The following DGKB variants were observed in gnomAD, a reference collection of about 807,000 sequenced individuals.
DGKB encodes the protein diacylglycerol kinase beta.
A neutral mutation model predicts 114.3 loss-of-function variants in DGKB; 67 were observed. The observed-to-expected ratio is 0.59, with a 90% CI of 0.48 to 0.72. The LOEUF is 0.72. Ranked by LOEUF, DGKB falls within the 30% of genes least tolerant of loss-of-function variation. The pLI, the probability that DGKB is intolerant of heterozygous loss-of-function variation, is 0.00. For missense variants in DGKB, 907 were observed against 975.2 expected (o/e 0.93, Z 0.93); for synonymous variants, 398 against 323.1 (o/e 1.23, Z -2.49).
chr7:14,695,730 A>G (rs1456329661), intron 8 of DGKB, among the ~76,000 whole-genome samples: 1 of 151,490 alleles, frequency 6.6e-6, no homozygotes, highest in Non-Finnish European at 1.5e-5. Flanking sequence ...GTTGGCCTCA[A>G]TCTCCTGACC....
intron 2 of DGKB, among the ~76,000 whole-genome samples, chr7:14,782,955 C>T (rs909869147): frequency 3.9e-5 from 6 of 152,104 alleles, no homozygotes; most frequent in Admixed American, 2.6e-4. Flanking sequence ...GCCTCAGCCT[C>T]CCAAGTCACT....
chr7:14,310,171 C>G (rs562640138), intron 23 of DGKB, among the ~76,000 whole-genome samples: 4 of 152,160 alleles, frequency 2.6e-5, no homozygotes, highest in African/African-American at 7.2e-5. Flanking sequence ...TAAATATAAT[C>G]CAAAGGATGG....
At chr7:14,231,095 CTTTCTT>C (rs1562684268) in intron 23 of DGKB, among the ~76,000 whole-genome samples, 1,144 of 102,284 alleles carry the variant, frequency 0.011, 8 homozygotes, top group Non-Finnish European at 0.015. Context: ...TTCTTTCTTT[CTTTCTT>C]TCTTTCTTTC....
At chr7:14,411,439 A>G (rs1400944710) in intron 21 of DGKB, among the ~76,000 whole-genome samples, 2 of 152,200 alleles carry the variant, frequency 1.3e-5, no homozygotes, top group Admixed American at 6.5e-5. Context: ...GTAAAGAACT[A>G]TAAATTAATA....
chr7:14,291,424 A>T (rs528784320), intron 23 of DGKB, among the ~76,000 whole-genome samples: 1 of 152,302 alleles, frequency 6.6e-6, no homozygotes, highest in African/African-American at 2.4e-5. Flanking sequence ...TTTATGCTTT[A>T]AGTAGCCATG....
intron 20 of DGKB, among the ~76,000 whole-genome samples, chr7:14,518,823 T>C (rs997389474): frequency 1.1e-4 from 17 of 152,078 alleles, no homozygotes; most frequent in Non-Finnish European, 2.2e-4. Flanking sequence ...TCTTCAATTT[T>C]AGCACATACC....
At chr7:14,167,048 A>C (rs2128230931) in intron 25 of DGKB, among the ~76,000 whole-genome samples, 1 of 152,068 alleles carries the variant, frequency 6.6e-6, no homozygotes, top group South Asian at 2.1e-4. Context: ...CATCTGTACT[A>C]AAAATACAAA....
intron 17 of DGKB, among the ~76,000 whole-genome samples, chr7:14,589,741 A>G (rs969112235): frequency 6.6e-6 from 1 of 152,046 alleles, no homozygotes; most frequent in African/African-American, 2.4e-5. Flanking sequence ...CCTTTCAGGC[A>G]CCCAAATTGA....
chr7:14,823,658 A>T (rs1240845454), intron 2 of DGKB, among the ~76,000 whole-genome samples: 2 of 152,194 alleles, frequency 1.3e-5, no homozygotes, highest in Non-Finnish European at 2.9e-5. Context: ...CCCCAAACAA[A>T]ATAACAGCAA....
intron 25 of DGKB, among the ~76,000 whole-genome samples, chr7:14,174,315 T>A (rs1781416222): frequency 6.6e-6 from 1 of 152,196 alleles, no homozygotes; most frequent in Admixed American, 6.5e-5. Flanking sequence ...CCTCAGTTAT[T>A]TCCTTCATAA....
intron 1 of DGKB, among the ~76,000 whole-genome samples, chr7:14,932,704 C>A (rs1431047576): frequency 6.6e-6 from 1 of 152,032 alleles, no homozygotes; most frequent in East Asian, 1.9e-4. Flanking sequence ...TAACGCAAAA[C>A]AATATAGGAT....
At chr7:14,313,379 G>A (rs1805757562) in intron 23 of DGKB, among the ~76,000 whole-genome samples, 2 of 152,046 alleles carry the variant, frequency 1.3e-5, no homozygotes, top group African/African-American at 2.4e-5. Context: ...ATCTCACTAG[G>A]GAGCGCCAGA....
Position 14,698,168 on chromosome 7 carries a change from T to C in DGKB, c.518A>G (p.Glu173Gly). The C allele has an allele frequency of 1.3e-6, 2 of 1,518,114 alleles. No homozygotes were observed. Among genetic ancestry groups the C allele is most frequent in the Non-Finnish European group, 1.8e-6 (2 of 1,132,638 alleles). The allele number at this position is 1,518,114 out of a possible 1,614,324, so 94.0% of individuals were successfully genotyped here. A position where few individuals can be genotyped will look rare whatever the true frequency, so the allele number is the denominator to read the frequency against. Residue 173 changes from glutamate (E) to glycine (G), a missense_variant and splice_region_variant, in exon 8 of 26, where the codon GAG becomes GGG. Physicochemically the swap from Glu to Gly is moderately conservative, Grantham distance 98. This residue lies in a region of DGKB where 814 missense variants were observed against 856.6 expected (regional missense o/e 0.95). Coordinates refer to ENST00000402815, the MANE Select transcript of DGKB (RefSeq NM_001350709.2). ...CATCTGACTGATGATATTTTCTAGC[T>C]CCTGGAAGAGAAAGAGAGATAAAAA... ...TDGNGFLDSS[E>G]LENIISQMMH...
At chr7:14,646,615 T>C (rs184248617) in intron 13 of DGKB, among the ~76,000 whole-genome samples, 1 of 152,206 alleles carries the variant, frequency 6.6e-6, no homozygotes, top group East Asian at 1.9e-4. Context: ...TCAAACATTT[T>C]AAAACATCAA....
chr7:14,887,589 C>T (rs1249625514), intron 1 of DGKB, among the ~76,000 whole-genome samples: 1 of 151,722 alleles, frequency 6.6e-6, no homozygotes, highest in African/African-American at 2.4e-5. Context: ...AACATCATCA[C>T]TTGGAGATCT....
intron 1 of DGKB, among the ~76,000 whole-genome samples, chr7:14,899,363 G>T (rs1301780331): frequency 6.6e-6 from 1 of 152,042 alleles, no homozygotes; most frequent in African/African-American, 2.4e-5. Context: ...CTGATGACTA[G>T]CATAATCTAA....
chr7:14,236,785 C>A (rs1483229416), intron 23 of DGKB, among the ~76,000 whole-genome samples: 1 of 151,872 alleles, frequency 6.6e-6, no homozygotes, highest in Non-Finnish European at 1.5e-5. Context: ...ATTCTCACAC[C>A]AGCACACATC....
At chr7:14,622,167 T>G (rs985195176) in intron 14 of DGKB, among the ~76,000 whole-genome samples, 1 of 152,170 alleles carries the variant, frequency 6.6e-6, no homozygotes, top group East Asian at 1.9e-4. Flanking sequence ...AGTCTTCATC[T>G]TCTCAAATCT....
intron 20 of DGKB, among the ~76,000 whole-genome samples, chr7:14,515,740 C>T (rs1788691178): frequency 6.6e-6 from 1 of 152,270 alleles, no homozygotes; most frequent in South Asian, 2.1e-4. Flanking sequence ...TGAATAATCA[C>T]CTTGACTATT....
Sources: gnomAD v4.1 joint callset for allele counts (sites outside exome capture counted in the v4.1 genomes callset) on GRCh38, gnomAD v4.1.1 for gene constraint, gnomAD v4.1.1 regional missense constraint, MANE v1.5 for transcripts, NCBI Gene and HGNC (gene_info 2026-07-23, HGNC 2026-07-21) for gene names.